CHRM3: variants seen among roughly 807,000 people sequenced by gnomAD.
CHRM3 encodes the protein cholinergic receptor muscarinic 3, also known as muscarinic acetylcholine receptor M3.
In CHRM3, 11 loss-of-function variants were observed where a neutral mutation model predicts 41.8. The observed-to-expected ratio is 0.26, with a 90% confidence interval of 0.17 to 0.44. The LOEUF is 0.44. CHRM3 is among the 20% of genes least tolerant of loss of function. The probability of loss-of-function intolerance (pLI) is 1.00; values close to 1 mark genes in which losing one functional copy is unlikely to be tolerated. For synonymous variants in CHRM3, 297 were observed against 301.4 expected, an observed-to-expected ratio of 0.99 and a Z score of 0.15; for missense variants, 571 against 745.4, an observed-to-expected ratio of 0.77 and a Z score of 2.72.
At chr1:239,709,917 AATG>A (rs1661594069) in intron 5 of CHRM3, among the ~76,000 whole-genome samples, 1 of 152,212 alleles carries the variant, frequency 6.6e-6, no homozygotes, top group African/African-American at 2.4e-5. Flanking sequence ...TTTAAGTTAA[AATG>A]ATATTAATTG....
intron 1 of CHRM3, among the ~76,000 whole-genome samples, chr1:239,397,086 G>A (rs190836363): frequency 2.6e-5 from 4 of 152,206 alleles, no homozygotes; most frequent in South Asian, 2.1e-4. Flanking sequence ...ATACTACCCC[G>A]GAAGTTCCAA....
chr1:239,398,907 T>C (rs1202122629), intron 1 of CHRM3, among the ~76,000 whole-genome samples: 1 of 152,094 alleles, frequency 6.6e-6, no homozygotes, highest in African/African-American at 2.4e-5. Context: ...TGGAAATGTA[T>C]AGTCTAAAAT....
At chr1:239,710,204 A>G (rs1466479398) in intron 5 of CHRM3, among the ~76,000 whole-genome samples, 2 of 152,166 alleles carry the variant, frequency 1.3e-5, no homozygotes, top group African/African-American at 4.8e-5. Flanking sequence ...GTATAACTAT[A>G]TCCATATTAT....
chr1:239,770,232 G>A (rs1197774448), intron 5 of CHRM3, among the ~76,000 whole-genome samples: 2 of 152,156 alleles, frequency 1.3e-5, no homozygotes, highest in Admixed American at 1.3e-4. Context: ...GGTTTGTGGA[G>A]GCCTAGATCT....
At chr1:239,454,111 A>T (rs1286605897) in intron 1 of CHRM3, among the ~76,000 whole-genome samples, 1 of 152,156 alleles carries the variant, frequency 6.6e-6, no homozygotes, top group African/African-American at 2.4e-5. Flanking sequence ...AATTCAACTC[A>T]ATTCTGACAC....
chr1:239,874,299 A>ATATATATCTATATACACAG (rs1553291951), intron 6 of CHRM3, among the ~76,000 whole-genome samples: 1,238 of 116,594 alleles, frequency 0.011, 24 homozygotes, highest in Admixed American at 0.033. Context: ...ATATATATAT[A>ATATATATCTATATACACAG]TATATATATA....
At chr1:239,707,862 T>C (rs939133402) in intron 5 of CHRM3, 5 of 152,228 alleles carry the variant, frequency 3.3e-5, no homozygotes, top group Non-Finnish European at 7.3e-5. Context: ...TACCTTGAGA[T>C]AATTTAATAT....
intron 3 of CHRM3, among the ~76,000 whole-genome samples, chr1:239,602,621 T>C (rs551956668): frequency 6.6e-6 from 1 of 151,950 alleles, no homozygotes; most frequent in African/African-American, 2.4e-5. Flanking sequence ...AGAAACACTT[T>C]ACTAAGCATC....
chr1:239,458,219 G>A (rs1665096780), intron 1 of CHRM3, among the ~76,000 whole-genome samples: 1 of 152,028 alleles, frequency 6.6e-6, no homozygotes. Context: ...CCGAGAAAAG[G>A]GCCTCGTTTT....
At chr1:239,558,213 A>G (rs1660545675) in intron 3 of CHRM3, among the ~76,000 whole-genome samples, 1 of 151,934 alleles carries the variant, frequency 6.6e-6, no homozygotes, top group Non-Finnish European at 1.5e-5. Flanking sequence ...TGTGGTTTTG[A>G]TTTGCATTTC....
chr1:239,659,302 T>C (rs1247753719), intron 4 of CHRM3, among the ~76,000 whole-genome samples: 1 of 152,194 alleles, frequency 6.6e-6, no homozygotes, highest in African/African-American at 2.4e-5. Context: ...GTTCCCAAGA[T>C]TCCCAGTAAC....
intron 1 of CHRM3, among the ~76,000 whole-genome samples, chr1:239,478,686 G>C (rs1441882008): frequency 6.6e-6 from 1 of 152,142 alleles, no homozygotes; most frequent in Non-Finnish European, 1.5e-5. Flanking sequence ...GAATGAATGA[G>C]TGAATTTTAA....
intron 5 of CHRM3, among the ~76,000 whole-genome samples, chr1:239,683,381 C>T (rs1484861266): frequency 6.6e-6 from 1 of 152,092 alleles, no homozygotes; most frequent in African/African-American, 2.4e-5. Flanking sequence ...ATCTGGTGTG[C>T]TCTGCTGAAG....
intron 5 of CHRM3, among the ~76,000 whole-genome samples, chr1:239,712,346 C>T (rs1661894684): frequency 6.6e-6 from 1 of 152,022 alleles, no homozygotes; most frequent in African/African-American, 2.4e-5. Flanking sequence ...GAATTCTCTT[C>T]AGGTCAGAAA....
intron 4 of CHRM3, among the ~76,000 whole-genome samples, chr1:239,652,195 C>G (rs1268245771): frequency 6.6e-6 from 1 of 152,190 alleles, no homozygotes; most frequent in Admixed American, 6.5e-5. Context: ...TTCACCCATA[C>G]TGAGCTCTCT....
At chr1:239,679,129 A>G (rs1658310777) in intron 5 of CHRM3, among the ~76,000 whole-genome samples, 1 of 152,200 alleles carries the variant, frequency 6.6e-6, no homozygotes, top group South Asian at 2.1e-4. Flanking sequence ...ATAGTATGCA[A>G]TGACTAAGGG....
chr1:239,814,686 G>A (rs1046379573), intron 5 of CHRM3, among the ~76,000 whole-genome samples: 3 of 152,192 alleles, frequency 2.0e-5, no homozygotes, highest in Non-Finnish European at 4.4e-5. Context: ...GATAGCTTGT[G>A]TTTCAGCCCA....
chr1:239,900,036 T>G (rs193229330), intron 6 of CHRM3, among the ~76,000 whole-genome samples: 1 of 152,356 alleles, frequency 6.6e-6, no homozygotes, highest in East Asian at 1.9e-4. Context: ...ACCACCTGTT[T>G]ATTCCTGAGC....
chr1:239,698,208 A>T (rs1660371994), intron 5 of CHRM3, among the ~76,000 whole-genome samples: 1 of 152,218 alleles, frequency 6.6e-6, no homozygotes, highest in African/African-American at 2.4e-5. Context: ...GAATGCTGTG[A>T]TGTCTATACT....
Sources: gnomAD v4.1 joint callset for allele counts (sites outside exome capture counted in the v4.1 genomes callset) on GRCh38, gnomAD v4.1.1 for gene constraint, MANE v1.5 for transcripts, NCBI Gene and HGNC (gene_info 2026-07-23, HGNC 2026-07-21) for gene names.